ALS2: variants seen among roughly 807,000 people sequenced by gnomAD.
ALS2 encodes alsin Rho guanine nucleotide exchange factor ALS2.
A neutral mutation model predicts 203.4 loss-of-function variants in ALS2; 117 were observed. That is an observed-to-expected ratio of 0.58 (90% CI 0.50 to 0.67). The LOEUF (loss-of-function observed/expected upper bound fraction) is 0.67. ALS2 is among the 30% of genes least tolerant of loss of function. The pLI, the probability that ALS2 is intolerant of heterozygous loss-of-function variation, is 0.00. For synonymous variants in ALS2, 718 were observed against 725.9 expected (o/e 0.99, Z 0.17); for missense variants, 1,715 against 1,989.4 (o/e 0.86, Z 2.62).
chr2:201,770,486 C>T (rs1236925719), intron 1 of ALS2, among the ~76,000 whole-genome samples: 1 of 151,826 alleles, frequency 6.6e-6, no homozygotes, highest in Non-Finnish European at 1.5e-5. Context: ...TAAAACTCTA[C>T]AAACTGTTTT....
chr2:201,705,275 G>C, intron 30 of ALS2, 75 bp from the exon 31 acceptor site: 1 of 1,475,500 alleles, frequency 6.8e-7, no homozygotes, highest in Non-Finnish European at 9.5e-7. Context: ...ACTGATGTCA[G>C]AGTGCAGGTC....
intron 25 of ALS2, among the ~76,000 whole-genome samples, chr2:201,713,133 C>CTTTTCTTTTT (rs1279654897): frequency 3.1e-5 from 3 of 96,270 alleles, no homozygotes; most frequent in South Asian, 3.3e-4. Flanking sequence ...CTTTTCTTTT[C>CTTTTCTTTTT]TTTTTTTTTT....
In ALS2 at chr2:201,760,836, G is replaced by T. The variant is rs775933827; in HGVS notation, c.1113+45C>A. 8 of 1,578,538 alleles carry T rather than the reference G, an allele frequency of 5.1e-6. No homozygotes were observed. In the South Asian group the frequency reaches 8.2e-5, roughly 16 times the overall value. On this transcript the variant is annotated intron_variant, in intron 4 of 33. Coordinates refer to ENST00000264276, the MANE Select transcript of ALS2 (RefSeq NM_020919.4). ...AAGTTTCTAAAGAAAAGCCCATACA[G>T]TTCAACTCTAGACACACTTTTATTT...
At chr2:201,715,564 G>A in intron 25 of ALS2, 108 bp downstream of exon 25, 1 of 1,363,406 alleles carries the variant, frequency 7.3e-7, no homozygotes. Flanking sequence ...CAGAAGCGAA[G>A]TAAATCATTA....
rs748633923 is a variant in ALS2 at position 201,761,142 on chromosome 2, G to A, written c.852C>T (p.Asp284=). ...TALSPSTETL[D]RQEEVFENTL... ...TGTTCTCAAATACTTCTTCCTGCCT[G>A]TCAAGGGTTTCAGTGGAGGGGCTGA... Residue 284 remains aspartate (D), a synonymous_variant, in exon 4 of 34, where the codon GAC becomes GAT. Transcript: ENST00000264276. 1 of 1,614,084 alleles carries A rather than the reference G, an allele frequency of 6.2e-7. No individual in the cohort carries two copies. Among genetic ancestry groups the A allele is most frequent in the East Asian group, 2.2e-5 (1 of 44,898 alleles).
intron 11 of ALS2, among the ~76,000 whole-genome samples, chr2:201,739,071 T>C (rs12472005): frequency 0.55 from 82,757 of 151,108 alleles, 25,198 homozygotes; most frequent in Admixed American, 0.7. Flanking sequence ...AAACCCGACT[T>C]TACAAAAAAA....
chr2:201,755,230 G>A (rs1031476898), intron 5 of ALS2, among the ~76,000 whole-genome samples: 1 of 152,080 alleles, frequency 6.6e-6, no homozygotes. Flanking sequence ...AATACCCACT[G>A]CACTCCAGCC....
At chr2:201,714,539 T>C (rs965127262) in intron 25 of ALS2, among the ~76,000 whole-genome samples, 1 of 152,252 alleles carries the variant, frequency 6.6e-6, no homozygotes, top group Admixed American at 6.5e-5. Flanking sequence ...GTCCCTACCA[T>C]GTTGCTGTAA....
chr2:201,726,471 A>G lies in ALS2; in HGVS notation c.3248+13T>C, dbSNP rs1191278513. The G allele has an allele frequency of 6.2e-7, 1 of 1,610,798 alleles. No individual in the cohort carries two copies. Among genetic ancestry groups the G allele is most frequent in the South Asian group, 1.1e-5 (1 of 91,018 alleles). ...ACTTGAATTTACTGTCATGTTTTAC[A>G]CAATTTTCTTACCCATCTTCCAAGC... On this transcript the variant is annotated intron_variant, in intron 19 of 33. Coordinates refer to ENST00000264276, the MANE Select transcript of ALS2 (RefSeq NM_020919.4).
At chr2:201,766,956 C>A (rs1965650) in intron 3 of ALS2, among the ~76,000 whole-genome samples, 2 of 141,054 alleles carry the variant, frequency 1.4e-5, no homozygotes, top group African/African-American at 5.4e-5. Context: ...GTGGAGGGAG[C>A]GGGGAGGGAT....
chr2:201,717,946 A>AAAAAT (rs1452390776), intron 24 of ALS2, 131 bp downstream of exon 24: 2 of 961,162 alleles, frequency 2.1e-6, no homozygotes, highest in Non-Finnish European at 3.0e-6. Context: ...CTCAAAAAAT[A>AAAAAT]AAAATAAAAT....
intron 3 of ALS2, chr2:201,762,848 CG>C: frequency 6.5e-6 from 1 of 154,332 alleles, no homozygotes; most frequent in Non-Finnish European, 1.4e-5. Flanking sequence ...GGGCCAGGGT[CG>C]GGGCCACAGA....
chr2:201,779,107 C>T (rs1694784718), intron 1 of ALS2, among the ~76,000 whole-genome samples: 1 of 152,110 alleles, frequency 6.6e-6, no homozygotes, highest in Non-Finnish European at 1.5e-5. Flanking sequence ...CTTAGCATAC[C>T]CTTTGCTTCT....
At chr2:201,726,083 C>T (rs1269229043) in intron 19 of ALS2, among the ~76,000 whole-genome samples, 1 of 152,070 alleles carries the variant, frequency 6.6e-6, no homozygotes, top group Non-Finnish European at 1.5e-5. Context: ...TCTCCTTTAA[C>T]AGATCACAGA....
chr2:201,704,777 T>G (rs1366194440), intron 31 of ALS2, among the ~76,000 whole-genome samples, 174 bp from the exon 32 acceptor site: 1 of 152,196 alleles, frequency 6.6e-6, no homozygotes, highest in East Asian at 1.9e-4. Flanking sequence ...ATGAGAAAAG[T>G]AGCCTCCAAC....
At chr2:201,775,494 T>A (rs765060592) in intron 1 of ALS2, among the ~76,000 whole-genome samples, 9 of 152,288 alleles carry the variant, frequency 5.9e-5, no homozygotes, top group Middle Eastern at 6.8e-3. Context: ...TAGGTCAATG[T>A]TTACACATGG....
intron 25 of ALS2, among the ~76,000 whole-genome samples, chr2:201,713,122 CCTTTT>C (rs201964379): frequency 4.7e-5 from 6 of 127,432 alleles, no homozygotes; most frequent in African/African-American, 1.7e-4. Flanking sequence ...CATTCTTTCT[CCTTTT>C]CTTTTCTTTT....
chr2:201,711,754 CTG>C (rs1301767140), intron 25 of ALS2, among the ~76,000 whole-genome samples: 1 of 152,126 alleles, frequency 6.6e-6, no homozygotes, highest in Non-Finnish European at 1.5e-5. Context: ...AAACTGAAAA[CTG>C]TGCATAATCA....
At chr2:201,759,448 C>T (rs1693624350) in intron 4 of ALS2, 4 of 929,096 alleles carry the variant, frequency 4.3e-6, no homozygotes, top group Non-Finnish European at 5.1e-6. Context: ...AATAGAAACA[C>T]ACATTTAATT....
Sources: gnomAD v4.1 joint callset for allele counts (sites outside exome capture counted in the v4.1 genomes callset) on GRCh38, gnomAD v4.1.1 for gene constraint, MANE v1.5 for transcripts, NCBI Gene and HGNC (gene_info 2026-07-23, HGNC 2026-07-21) for gene names.